The following SPTB variants were observed in gnomAD, a reference collection of about 807,000 sequenced individuals.
The protein encoded by SPTB is spectrin beta, erythrocytic, also known as spectrin beta chain, erythrocytic.
Under a neutral mutation model 256.2 loss-of-function variants are expected in SPTB, and 45 were observed. The ratio of observed to expected loss-of-function variants is 0.18; its 90% CI spans 0.14 to 0.23. The LOEUF (loss-of-function observed/expected upper bound fraction) is 0.23, where lower values mean the gene tolerates loss of function less well. Among genes scored for constraint, SPTB ranks in the 10% least tolerant of loss-of-function variants. SPTB has a pLI of 1.00. For synonymous variants in SPTB, 1,231 were observed against 1,243.1 expected (o/e 0.99, Z 0.21); for missense variants, 2,715 against 3,040.4 (o/e 0.89, Z 2.52).
rs2083024878 is a variant in SPTB at position 64,808,348 on chromosome 14, G to A, written c.149-3258C>T. On this transcript the variant is annotated intron_variant, in intron 2 of 35. Transcript: ENST00000644917. ...TTTCTTTCCCTTTCCTTCCCGGGTT[G>A]TGGCCATCCTCATTCCCTGCTATGT... Among the ~76,000 whole-genome samples, 3 of 151,960 alleles carry A rather than the reference G, an allele frequency of 2.0e-5. No homozygotes were observed. The South Asian group carries it at 6.2e-4, about 32-fold the overall frequency.
At position 64,751,946 on chromosome 14, in the gene SPTB, T is replaced by TAAAAAAAAAAAAAAAAAAAA. The variant is rs1566731898; in HGVS notation, c.6602+1590_6602+1591insTTTTTTTTTTTTTTTTTTTT. On this transcript the variant is annotated intron_variant, in intron 33 of 35. Coordinates refer to ENST00000644917, the MANE Select transcript of SPTB (RefSeq NM_001355436.2). ...AAAATGCAAAAAAAAAAAAAAAAAT[T>TAAAAAAAAAAAAAAAAAAAA]AGCCAGGCGTGGTGGCACGTGCCTG... 3.2e-4 allele frequency among the ~76,000 whole-genome samples: 29 copies of TAAAAAAAAAAAAAAAAAAAA among 90,478 alleles called. 3 individuals carry two copies. Among genetic ancestry groups the TAAAAAAAAAAAAAAAAAAAA allele is most frequent in the Non-Finnish European group, 5.2e-4 (21 of 40,398 alleles). The allele number at this position is 90,478 out of a possible 152,430, so 59.4% of individuals were successfully genotyped here.
chr14:64,785,722 C>T lies in SPTB; in HGVS notation c.3764+27G>A. 3 of 1,613,964 alleles carry T rather than the reference C, an allele frequency of 1.9e-6. No individual in the cohort carries two copies. The highest frequency in any genetic ancestry group is 2.5e-6 in the Non-Finnish European group (3 of 1,179,886). Reference sequence around the variant, plus strand: ...CACTACCCCCGTGTGGCTCTGGGGGCCTCGTGGCCCTGGGGCCCGGGAGTA... The same window carrying T: ...CACTACCCCCGTGTGGCTCTGGGGGTCTCGTGGCCCTGGGGCCCGGGAGTA... On this transcript the variant is annotated intron_variant, in intron 17 of 35. Transcript: ENST00000644917. The surrounding 1 kb of genome is among the most constrained non-coding windows in gnomAD (Gnocchi z 4.4).
chr14:64,761,771 C>T (rs1205166874), intron 32 of SPTB, among the ~76,000 whole-genome samples: 1 of 152,196 alleles, frequency 6.6e-6, no homozygotes, highest in Non-Finnish European at 1.5e-5. Context: ...CTGCTGGCTG[C>T]TTAGTCGCTC....
intron 33 of SPTB, 67 bp from the exon 34 acceptor site, chr14:64,750,221 G>C (rs535703867): frequency 1.3e-6 from 2 of 1,511,048 alleles, no homozygotes; most frequent in South Asian, 1.3e-5. Context: ...AATTCCTATA[G>C]CTTCACCATT....
chr14:64,749,230 C>T lies in SPTB; in HGVS notation c.*76G>A, dbSNP rs867043971. 3 of 1,502,402 alleles carry T rather than the reference C, an allele frequency of 2.0e-6. No individual in the cohort carries two copies. Among genetic ancestry groups the T allele is most frequent in the Non-Finnish European group, 1.8e-6 (2 of 1,120,180 alleles). 93.1% of individuals were successfully genotyped at this position (1,502,402 alleles called of 1,614,324 possible). A position where few individuals can be genotyped will look rare whatever the true frequency, so the allele number is the denominator to read the frequency against. ...TCATCTCGATTCGACCGGCGGGCGG[C>T]GGCGAGAGGAGGCCAAGGCCTGGGC... On this transcript the variant is annotated 3_prime_UTR_variant, in exon 36 of 36. Coordinates refer to ENST00000644917, the MANE Select transcript of SPTB (RefSeq NM_001355436.2). The surrounding 1 kb of genome is among the most constrained non-coding windows in gnomAD (Gnocchi z 4.7).
At chr14:64,849,462 G>A (rs2083744776) in intron 1 of SPTB, among the ~76,000 whole-genome samples, 1 of 152,188 alleles carries the variant, frequency 6.6e-6, no homozygotes, top group Non-Finnish European at 1.5e-5. Context: ...AAAAGATAGG[G>A]ACAATGGCAA....
In SPTB at chr14:64,766,210, G is replaced by A. The variant is rs114771753; in HGVS notation, c.6345+516C>T. On this transcript the variant is annotated intron_variant, in intron 32 of 35. Coordinates refer to ENST00000644917, the MANE Select transcript of SPTB (RefSeq NM_001355436.2). ...TGTGTATGTGGGTGTGTGGTTGTGC[G>A]TGAGGTGTCTGTATATATGGGGGTG... is the stretch of plus-strand genomic sequence containing the variant. 7.2e-3 allele frequency among the ~76,000 whole-genome samples: 1,053 copies of A among 145,332 alleles called. 17 individuals carry two copies. The highest frequency in any genetic ancestry group is 0.028 in the African/African-American group (1,009 of 35,994).
Position 64,778,073 on chromosome 14 carries a change from G to C in SPTB, c.4563+1084C>G. 6.6e-6 allele frequency among the ~76,000 whole-genome samples: 1 copy of C among 152,214 alleles called. No individual in the cohort carries two copies. Among genetic ancestry groups the C allele is most frequent in the Non-Finnish European group, 1.5e-5 (1 of 68,042 alleles). ...TACCAGCCTTCCACCTTTAGCTGAA[G>C]GTTGTGGCATTAACTGAGGCTAGAT... On this transcript the variant is annotated intron_variant, in intron 22 of 35. Transcript: ENST00000644917. This position sits in a 1 kb window ranked among gnomAD's most constrained non-coding sequence, Gnocchi z 5.2.
chr14:64,857,353 C>A (rs561946319), intron 1 of SPTB, among the ~76,000 whole-genome samples: 1 of 151,914 alleles, frequency 6.6e-6, no homozygotes, highest in African/African-American at 2.4e-5. Flanking sequence ...GAGGCCGAGG[C>A]GGGAATATCA....
At chr14:64,817,678 C>CA (rs2083216696) in intron 2 of SPTB, among the ~76,000 whole-genome samples, 1 of 152,236 alleles carries the variant, frequency 6.6e-6, no homozygotes, top group African/African-American at 2.4e-5. Context: ...GCAACTGGGG[C>CA]ACCTGAGATC....
At chr14:64,769,493 A>G in intron 28 of SPTB, 97 bp downstream of exon 28, 1 of 1,512,384 alleles carries the variant, frequency 6.6e-7, no homozygotes, top group Non-Finnish European at 9.0e-7. Flanking sequence ...GCTCCTCAGA[A>G]AAGCTGCAGC....
At position 64,772,935 on chromosome 14, in the gene SPTB, C is replaced by T. The variant is rs1361177309; in HGVS notation, c.5198G>A (p.Arg1733Gln). 6.2e-6 allele frequency: 10 copies of T among 1,602,678 alleles called. No individual in the cohort carries two copies. Among genetic ancestry groups the T allele is most frequent in the African/African-American group, 2.7e-5 (2 of 74,792 alleles). The change falls in exon 26 of 36, where the codon CGG (arginine) becomes CAG (glutamine). Residue 1733 changes from arginine to glutamine, a missense_variant. By Grantham distance (43) the Arg-to-Gln change is conservative (BLOSUM62 1). Transcript: ENST00000644917. This position sits in a 1 kb window ranked among gnomAD's most constrained non-coding sequence, Gnocchi z 5.4. ...CGCCCCGGTCTCCCGGGCAAAGTCC[C>T]GGAACTTGTCCCGCAGAAGCTAGGC... ...DHVTLLRDKF[R>Q]DFARETGAIG...
At chr14:64,838,838 A>G (rs1330654449) in intron 1 of SPTB, among the ~76,000 whole-genome samples, 1 of 152,228 alleles carries the variant, frequency 6.6e-6, no homozygotes, top group African/African-American at 2.4e-5. Flanking sequence ...AAAAGCCTCT[A>G]TGCAAACATT....
At chr14:64,846,446 T>G (rs551515977) in intron 1 of SPTB, among the ~76,000 whole-genome samples, 1 of 152,106 alleles carries the variant, frequency 6.6e-6, no homozygotes, top group Non-Finnish European at 1.5e-5. Context: ...TGCACAGATA[T>G]AGAGAGAGAG....
intron 8 of SPTB, 109 bp downstream of exon 8, chr14:64,800,647 G>A: frequency 1.1e-6 from 1 of 930,820 alleles, no homozygotes; most frequent in South Asian, 1.4e-5. Flanking sequence ...GAAGTTGGGG[G>A]GTGGGTGAGC....
chr14:64,874,131 C>T (rs555679402), intron 1 of SPTB, among the ~76,000 whole-genome samples: 2 of 152,314 alleles, frequency 1.3e-5, no homozygotes, highest in African/African-American at 4.8e-5. Context: ...ACACTTCTGC[C>T]ATGTGGAACT....
intron 33 of SPTB, 99 bp downstream of exon 33, chr14:64,753,438 C>T (rs2081978586): frequency 6.3e-7 from 1 of 1,585,628 alleles, no homozygotes; most frequent in African/African-American, 1.3e-5. Context: ...GAAGGCACCC[C>T]TCCCCCAGCA....
rs2083355096 is a variant in SPTB at position 64,825,020 on chromosome 14, G to A, written c.-51-1875C>T. Among the ~76,000 whole-genome samples the A allele has an allele frequency of 6.6e-6, 1 of 152,092 alleles. No individual in the cohort carries two copies. The highest frequency in any genetic ancestry group is 1.5e-5 in the Non-Finnish European group (1 of 68,026). On this transcript the variant is annotated intron_variant, in intron 1 of 35. Transcript: ENST00000644917. This position sits in a 1 kb window ranked among gnomAD's most constrained non-coding sequence, Gnocchi z 4.8. ...CTGGGACCAAAGGCCAAACTGGAGC[G>A]CAGTTTATCCCCCTTGACCAGACGG...
chr14:64,832,629 G>T lies in SPTB; in HGVS notation c.-51-9484C>A, dbSNP rs866323997. ...AACATCCACCTAAGAAGGCCCACAA[G>T]CCCCTCATGTTCACCCTAACCCCCA... On this transcript the variant is annotated intron_variant, in intron 1 of 35. Coordinates refer to ENST00000644917, the MANE Select transcript of SPTB (RefSeq NM_001355436.2). Among the ~76,000 whole-genome samples, 7 of 152,202 alleles carry T rather than the reference G, an allele frequency of 4.6e-5. No homozygotes were observed. In the South Asian group the frequency reaches 1.2e-3, roughly 27 times the overall value.
Sources: allele counts gnomAD v4.1 joint callset (sites outside exome capture counted in the v4.1 genomes callset), GRCh38; gene constraint gnomAD v4.1.1; non-coding constraint Gnocchi (gnomAD v3.1); transcripts MANE v1.5; gene names NCBI Gene and HGNC (gene_info 2026-07-23, HGNC 2026-07-21).